The following BCHE variants were observed in gnomAD, a reference collection of about 807,000 sequenced individuals.
BCHE encodes butyrylcholinesterase, also known as cholinesterase.
A neutral mutation model predicts 51.3 loss-of-function variants in BCHE; 48 were observed. The ratio of observed to expected loss-of-function variants is 0.94; its 90% CI spans 0.74 to 1.19. BCHE has a LOEUF of 1.19. Among genes scored for constraint, BCHE ranks in the 50% most tolerant of loss-of-function variants. The pLI is 0.00. For missense variants in BCHE, 847 were observed against 708.2 expected (o/e 1.20, Z -2.23); for synonymous variants, 251 against 238.0 (o/e 1.05, Z -0.50).
At chr3:165,827,986 C>G in intron 2 of BCHE, 1 of 452,916 alleles carries the variant, frequency 2.2e-6, no homozygotes, top group Non-Finnish European at 4.4e-6. Flanking sequence ...TGATACATAC[C>G]CATCATAGTA....
At chr3:165,817,458 A>G (rs921659609) in intron 2 of BCHE, among the ~76,000 whole-genome samples, 1 of 152,062 alleles carries the variant, frequency 6.6e-6, no homozygotes, top group Non-Finnish European at 1.5e-5. Flanking sequence ...TTCAAATCAT[A>G]TATCTTGGCT....
intron 2 of BCHE, among the ~76,000 whole-genome samples, chr3:165,816,938 A>G (rs1714335186): frequency 6.6e-6 from 1 of 152,050 alleles, no homozygotes; most frequent in Non-Finnish European, 1.5e-5. Context: ...TCTCCCTTGA[A>G]TTTCAGATGT....
chr3:165,784,361 A>C (rs1354675911), intron 3 of BCHE, among the ~76,000 whole-genome samples: 2 of 152,002 alleles, frequency 1.3e-5, no homozygotes, highest in African/African-American at 2.4e-5. Context: ...TACATGTTAC[A>C]ATAATTGTAT....
rs2108235579 is a variant in BCHE at position 165,830,523 on chromosome 3, A to T, written c.511T>A (p.Ser171Thr). 1.2e-6 allele frequency: 2 copies of T among 1,613,956 alleles called. No homozygotes were observed. The highest frequency in any genetic ancestry group is 2.2e-5 in the East Asian group (1 of 44,876). Residue 171 changes from serine to threonine, a missense_variant, in exon 2 of 4, where the codon TCA (serine) becomes ACA (threonine). Physicochemically the swap from Ser to Thr is moderately conservative, Grantham distance 58. Transcript: ENST00000264381. ...LARVERVIVV[S>T]MNYRVGALGF... Reference sequence around the variant, plus strand: ...AGGGCACCCACCCTATAGTTCATTGACACTACAATAACTCTTTCAACCCGA... The same window carrying T: ...AGGGCACCCACCCTATAGTTCATTGTCACTACAATAACTCTTTCAACCCGA...
rs1712311582 is a variant in BCHE, at chr3:165,773,015, A to T, written c.*367T>A. 1.1e-5 allele frequency: 2 copies of T among 176,248 alleles called. No homozygotes were observed. The highest frequency in any genetic ancestry group is 1.3e-4 in the South Asian group (1 of 7,738). 10.9% of individuals were successfully genotyped at this position (176,248 alleles called of 1,614,324 possible). A position where few individuals can be genotyped will look rare whatever the true frequency, so the allele number is the denominator to read the frequency against. ...CAGTGTTTCAATATTTAATTCATTT[A>T]AAAAAGATACCTTTTTACGAGTGGT... On this transcript the variant is annotated 3_prime_UTR_variant, in exon 4 of 4. Transcript: ENST00000264381.
intron 3 of BCHE, among the ~76,000 whole-genome samples, chr3:165,785,622 T>C (rs901616933): frequency 6.6e-6 from 1 of 151,744 alleles, no homozygotes; most frequent in Non-Finnish European, 1.5e-5. Flanking sequence ...TGTGCGTGTG[T>C]GCTCTTAGAT....
intron 1 of BCHE, among the ~76,000 whole-genome samples, chr3:165,835,128 T>C (rs980176012): frequency 3.9e-5 from 6 of 151,940 alleles, no homozygotes; most frequent in South Asian, 2.1e-4. Context: ...ATTAAGAAAA[T>C]TTACTGGCAA....
chr3:165,797,719 G>T (rs146044730), intron 2 of BCHE, among the ~76,000 whole-genome samples: 9 of 152,054 alleles, frequency 5.9e-5, no homozygotes, highest in South Asian at 4.2e-4. Context: ...TCTTATTCAC[G>T]TCTGTTTGCT....
At chr3:165,819,502 A>G (rs1478026722) in intron 2 of BCHE, among the ~76,000 whole-genome samples, 1 of 152,168 alleles carries the variant, frequency 6.6e-6, no homozygotes, top group Non-Finnish European at 1.5e-5. Flanking sequence ...ATTCTTTTCT[A>G]GGAAGTACAT....
intron 2 of BCHE, among the ~76,000 whole-genome samples, chr3:165,819,087 T>TTA (rs1452578054): frequency 6.6e-6 from 1 of 151,044 alleles, no homozygotes; most frequent in African/African-American, 2.4e-5. Context: ...TTTTTTTTTT[T>TTA]TTTCTCCTGA....
chr3:165,825,760 T>C (rs1342153544), intron 2 of BCHE, among the ~76,000 whole-genome samples: 3 of 152,050 alleles, frequency 2.0e-5, no homozygotes, highest in African/African-American at 7.2e-5. Flanking sequence ...TGTCCATGTG[T>C]TCTCATTGTT....
intron 3 of BCHE, among the ~76,000 whole-genome samples, chr3:165,783,112 A>C (rs1560003144): frequency 6.7e-6 from 1 of 148,800 alleles, no homozygotes; most frequent in Admixed American, 6.6e-5. Flanking sequence ...CATAATTAAG[A>C]AACAACAACA....
intron 1 of BCHE, among the ~76,000 whole-genome samples, chr3:165,834,716 A>C (rs534688503): frequency 6.6e-6 from 1 of 152,088 alleles, no homozygotes; most frequent in East Asian, 1.9e-4. Context: ...GAATAAAAAT[A>C]TTGAGTCTAT....
intron 2 of BCHE, among the ~76,000 whole-genome samples, chr3:165,791,328 A>T (rs1713156653): frequency 6.6e-6 from 1 of 152,010 alleles, no homozygotes; most frequent in Non-Finnish European, 1.5e-5. Flanking sequence ...ATAAGATCTC[A>T]TTTACATTGT....
intron 2 of BCHE, among the ~76,000 whole-genome samples, chr3:165,803,527 A>G (rs371524999): frequency 2.0e-5 from 3 of 152,216 alleles, no homozygotes; most frequent in East Asian, 3.8e-4. Context: ...ATATCATCCA[A>G]TTCCCAGACT....
Position 165,773,603 on chromosome 3 carries a change from A to G in BCHE, c.1685-97T>C, listed in dbSNP as rs1468096364. 9.2e-6 allele frequency: 9 copies of G among 974,804 alleles called. No individual in the cohort carries two copies. In the East Asian group the frequency reaches 2.4e-4, roughly 26 times the overall value. 60.4% of individuals were successfully genotyped at this position (974,804 alleles called of 1,614,324 possible). On this transcript the variant is annotated intron_variant, in intron 3 of 3. Transcript: ENST00000264381. Reference sequence around the variant, plus strand: ...TACAAAAGCCATTTTCTCTAACTACACAGTACAGCATTATTTTCTTTATTT... The same window carrying G: ...TACAAAAGCCATTTTCTCTAACTACGCAGTACAGCATTATTTTCTTTATTT...
chr3:165,789,621 A>G (rs1367901261), intron 2 of BCHE, among the ~76,000 whole-genome samples: 4 of 152,172 alleles, frequency 2.6e-5, no homozygotes, highest in African/African-American at 4.8e-5. Flanking sequence ...AAAATCTAGT[A>G]AAATGAAGCT....
At chr3:165,787,544 T>C (rs574185443) in intron 2 of BCHE, among the ~76,000 whole-genome samples, 2 of 151,888 alleles carry the variant, frequency 1.3e-5, no homozygotes, top group South Asian at 4.2e-4. Flanking sequence ...CCTGATGGAA[T>C]GGGAATCTGG....
chr3:165,836,179 A>C (rs190228196), intron 1 of BCHE, among the ~76,000 whole-genome samples: 1 of 152,104 alleles, frequency 6.6e-6, no homozygotes, highest in East Asian at 1.9e-4. Flanking sequence ...CAGAACTTTG[A>C]TAACCCAATT....
Sources: allele counts gnomAD v4.1 joint callset (sites outside exome capture counted in the v4.1 genomes callset), GRCh38; gene constraint gnomAD v4.1.1; transcripts MANE v1.5; gene names NCBI Gene and HGNC (gene_info 2026-07-23, HGNC 2026-07-21).